LOXL1: variants seen among roughly 807,000 people sequenced by gnomAD.
LOXL1 encodes lysyl oxidase like 1, also known as lysyl oxidase homolog 1.
In LOXL1, 31 loss-of-function variants were observed where a neutral mutation model predicts 62.2. The ratio of observed to expected loss-of-function variants is 0.50; its 90% CI spans 0.37 to 0.67. The LOEUF (loss-of-function observed/expected upper bound fraction) is 0.67. LOXL1 is among the 30% of genes least tolerant of loss of function. The probability of loss-of-function intolerance (pLI) is 0.00; values close to 1 mark genes in which losing one functional copy is unlikely to be tolerated. For synonymous variants in LOXL1, 403 were observed against 384.4 expected (o/e 1.05, Z -0.56); for missense variants, 775 against 843.4 (o/e 0.92, Z 1.00).
chr15:73,947,147 A>C lies in LOXL1; in HGVS notation c.1430A>C (p.Lys477Thr), dbSNP rs201825646. ...ATGKKVAEGH[K>T]ASFCLEDSTC... ...GGCAAGAAGGTGGCCGAGGGCCACA[A>C]GGCCAGTTTCTGCCTGGAGGACAGC... Residue 477 changes from lysine to threonine, a missense_variant, in exon 4 of 7, where the codon AAG (lysine) becomes ACG (threonine). By Grantham distance (78) the Lys-to-Thr change is moderately conservative. Transcript: ENST00000261921. The C allele has an allele frequency of 6.2e-7, 1 of 1,613,888 alleles. No homozygotes were observed. The highest frequency in any genetic ancestry group is 2.2e-5 in the East Asian group (1 of 44,874).
At chr15:73,950,579 C>T (rs983669838) in intron 6 of LOXL1, among the ~76,000 whole-genome samples, 1 of 151,756 alleles carries the variant, frequency 6.6e-6, no homozygotes, top group Non-Finnish European at 1.5e-5. Flanking sequence ...GATCAGGGTT[C>T]AGTGTATACC....
intron 5 of LOXL1, among the ~76,000 whole-genome samples, chr15:73,949,044 G>C (rs1461399849): frequency 6.6e-6 from 1 of 152,206 alleles, no homozygotes; most frequent in Admixed American, 6.5e-5. Context: ...CCAGAGCAGG[G>C]GATCAGACAG....
chr15:73,926,772 A>G lies in LOXL1; in HGVS notation c.-12A>G. On this transcript the variant is annotated 5_prime_UTR_variant, in exon 1 of 7. Coordinates refer to ENST00000261921, the MANE Select transcript of LOXL1 (RefSeq NM_005576.4). ...GCCTCTCTGTCCACCAGGCCTCTGC[A>G]GAGGGGTCACCATGGCTCTGGCCCG... 13 of 1,407,694 alleles carry G rather than the reference A, an allele frequency of 9.2e-6. No homozygotes were observed. Among genetic ancestry groups the G allele is most frequent in the Non-Finnish European group, 1.1e-5 (12 of 1,075,598 alleles). The allele number at this position is 1,407,694 out of a possible 1,614,324, so 87.2% of individuals were successfully genotyped here.
At chr15:73,927,954 C>G (rs974340832) in intron 1 of LOXL1, 69 bp downstream of exon 1, 2 of 1,253,784 alleles carry the variant, frequency 1.6e-6, no homozygotes, top group East Asian at 3.2e-5. Context: ...CCGGGCCCCC[C>G]GGGCCCCTCC....
At chr15:73,950,545 G>C (rs981117717) in intron 6 of LOXL1, among the ~76,000 whole-genome samples, 4 of 151,910 alleles carry the variant, frequency 2.6e-5, no homozygotes, top group African/African-American at 9.7e-5. Context: ...GTGTGACCAG[G>C]ATCAAGGCTC....
intron 2 of LOXL1, among the ~76,000 whole-genome samples, chr15:73,944,034 T>G (rs2068732292): frequency 6.6e-6 from 1 of 152,186 alleles, no homozygotes; most frequent in South Asian, 2.1e-4. Context: ...TGATTAGGAA[T>G]GTTGTCGATG....
rs750676617 is a variant in LOXL1 at position 73,946,404 on chromosome 15, G to T, written c.1212-13G>T. The T allele has an allele frequency of 9.2e-7, 1 of 1,089,720 alleles. No homozygotes were observed. Among genetic ancestry groups the T allele is most frequent in the Non-Finnish European group, 1.3e-6 (1 of 767,840 alleles). The allele number at this position is 1,089,720 out of a possible 1,614,324, so 67.5% of individuals were successfully genotyped here. A position where few individuals can be genotyped will look rare whatever the true frequency, so the allele number is the denominator to read the frequency against. The stretch of plus-strand genomic sequence containing the variant: ...GCCCCAACCCCCCCTCATCTCCCCC[G>T]CCGTCCCTGCAGCACAGCCTATGCC... On this transcript the variant is annotated splice_polypyrimidine_tract_variant and intron_variant, in intron 2 of 6. Transcript: ENST00000261921.
intron 1 of LOXL1, among the ~76,000 whole-genome samples, chr15:73,928,986 C>T (rs1392572371): frequency 1.3e-5 from 2 of 152,170 alleles, no homozygotes; most frequent in Non-Finnish European, 2.9e-5. Context: ...GAACATACGT[C>T]CTCCTCTTGG....
Position 73,951,961 on chromosome 15 carries a change from C to G in LOXL1, c.*124C>G. The stretch of plus-strand genomic sequence containing the variant: ...ACGGAGGGGCATCCCTCCCTGCCGG[C>G]CTCAGGGAGCGAACGTGGATGAAAA... On this transcript the variant is annotated 3_prime_UTR_variant, in exon 7 of 7. Transcript: ENST00000261921. The G allele has an allele frequency of 1.3e-6, 1 of 794,618 alleles. No homozygotes were observed. The highest frequency in any genetic ancestry group is 1.8e-6 in the Non-Finnish European group (1 of 567,334). The allele number at this position is 794,618 out of a possible 1,614,324, so 49.2% of individuals were successfully genotyped here.
chr15:73,947,278 A>C (rs2068754853), intron 4 of LOXL1, 55 bp downstream of exon 4: 1 of 1,543,490 alleles, frequency 6.5e-7, no homozygotes, highest in Non-Finnish European at 8.8e-7. Context: ...TTGGGGAGGC[A>C]AAGAGCGAGG....
intron 1 of LOXL1, among the ~76,000 whole-genome samples, chr15:73,934,368 C>T (rs1311695307): frequency 1.3e-5 from 2 of 152,194 alleles, no homozygotes; most frequent in Non-Finnish European, 1.5e-5. Flanking sequence ...TCCCAGAACC[C>T]TCCCTGGCCT....
At position 73,951,978 on chromosome 15, in the gene LOXL1, G is replaced by A. The variant is rs2068791460; in HGVS notation, c.*141G>A. On this transcript the variant is annotated 3_prime_UTR_variant, in exon 7 of 7. Transcript: ENST00000261921. ...CCTGCCGGCCTCAGGGAGCGAACGT[G>A]GATGAAAACCACAGGGATTCCGGAC... 1 of 593,900 alleles carries A rather than the reference G, an allele frequency of 1.7e-6. No homozygotes were observed. Among genetic ancestry groups the A allele is most frequent in the African/African-American group, 1.9e-5 (1 of 52,472 alleles). The allele number at this position is 593,900 out of a possible 1,614,324, so 36.8% of individuals were successfully genotyped here.
chr15:73,943,049 C>T (rs1027262770), intron 2 of LOXL1, 87 bp downstream of exon 2: 26 of 1,056,072 alleles, frequency 2.5e-5, no homozygotes, highest in Non-Finnish European at 3.5e-5. Flanking sequence ...GCCAGCTAGG[C>T]TGTCTGCAAG....
intron 1 of LOXL1, among the ~76,000 whole-genome samples, chr15:73,937,213 C>T (rs968176239): frequency 4.6e-5 from 7 of 152,332 alleles, no homozygotes; most frequent in Admixed American, 1.3e-4. Flanking sequence ...GGGCTTGTCC[C>T]GAGCACACAG....
At position 73,951,936 on chromosome 15, in the gene LOXL1, AC is replaced by A; in HGVS notation, c.*100del. 2.5e-6 allele frequency: 3 copies of A among 1,182,678 alleles called. No homozygotes were observed. Among genetic ancestry groups the A allele is most frequent in the Non-Finnish European group, 3.3e-6 (3 of 900,090 alleles). 73.3% of individuals were successfully genotyped at this position (1,182,678 alleles called of 1,614,324 possible). On this transcript the variant is annotated 3_prime_UTR_variant, in exon 7 of 7. Transcript: ENST00000261921. ...GGGGCCCAGCCCCCAACCCACAGGCACGGAGGGGCATCCCTCCCTGCCGGCC... is the reference window on the plus strand; with the variant it reads ...GGGGCCCAGCCCCCAACCCACAGGCAGGAGGGGCATCCCTCCCTGCCGGCC...
rs890318162 is a variant in LOXL1, at chr15:73,945,429, C to G, written c.1212-988C>G. Among the ~76,000 whole-genome samples the G allele has an allele frequency of 3.9e-5, 6 of 152,128 alleles. No individual in the cohort carries two copies. The highest frequency in any genetic ancestry group is 1.3e-4 in the Admixed American group (2 of 15,276). Reference sequence around the variant, plus strand: ...GGAGGAGGGGACTTTTGAGTTGACCCTAGGATACTGGGTGAGTTTTGGAAT... The same window carrying G: ...GGAGGAGGGGACTTTTGAGTTGACCGTAGGATACTGGGTGAGTTTTGGAAT... On this transcript the variant is annotated intron_variant, in intron 2 of 6. Transcript: ENST00000261921. This position sits in a 1 kb window ranked among gnomAD's most constrained non-coding sequence, Gnocchi z 4.3.
At chr15:73,935,036 CAG>C (rs768918250) in intron 1 of LOXL1, among the ~76,000 whole-genome samples, 37 of 152,296 alleles carry the variant, frequency 2.4e-4, no homozygotes, top group African/African-American at 7.7e-4. Flanking sequence ...GGAGGTATAA[CAG>C]GGGACAGGTC....
chr15:73,947,201 A>G lies in LOXL1; in HGVS notation c.1484A>G (p.Tyr495Cys), dbSNP rs1244899093. 2 of 1,609,942 alleles carry G rather than the reference A, an allele frequency of 1.2e-6. No homozygotes were observed. Among genetic ancestry groups the G allele is most frequent in the Non-Finnish European group, 8.5e-7 (1 of 1,176,714 alleles). The change falls in exon 4 of 7, where the codon TAT becomes TGT. Residue 495 changes from tyrosine (Y) to cysteine (C), a missense_variant. By Grantham distance (194) the Tyr-to-Cys change is radical. Transcript: ENST00000261921. ...TGTGACTTCGGCAACCTCAAGCGCT[A>G]TGCATGCACCTCTCATACCCAGGTT... ...STCDFGNLKRYACTSHTQGLS... is the reference protein window; with the variant it reads ...STCDFGNLKRCACTSHTQGLS...
At chr15:73,942,455 G>C (rs1366590587) in intron 1 of LOXL1, among the ~76,000 whole-genome samples, 1 of 152,014 alleles carries the variant, frequency 6.6e-6, no homozygotes, top group Non-Finnish European at 1.5e-5. Context: ...GGGGAGTAAG[G>C]ACTCGAGGGA....
Sources: gnomAD v4.1 joint callset for allele counts (sites outside exome capture counted in the v4.1 genomes callset) on GRCh38, gnomAD v4.1.1 for gene constraint, Gnocchi (gnomAD v3.1) non-coding constraint, MANE v1.5 for transcripts, NCBI Gene and HGNC (gene_info 2026-07-23, HGNC 2026-07-21) for gene names.